Variants in ANKS1B observed in about 807,000 individuals in gnomAD.
The protein encoded by ANKS1B is ankyrin repeat and sterile alpha motif domain-containing protein 1B.
ANKS1B carries 36 observed loss-of-function variants against 148.3 expected under a neutral mutation model. The observed-to-expected ratio is 0.24, with a 90% CI of 0.19 to 0.32. The LOEUF (loss-of-function observed/expected upper bound fraction) is 0.32. Ranked by LOEUF, ANKS1B falls within the 10% of genes least tolerant of loss-of-function variation. The probability of loss-of-function intolerance (pLI) is 1.00; values close to 1 mark genes in which losing one functional copy is unlikely to be tolerated. For synonymous variants in ANKS1B, 542 were observed against 560.8 expected (o/e 0.97, Z 0.47); for missense variants, 1,157 against 1,542.6 (o/e 0.75, Z 4.19).
intron 9 of ANKS1B, among the ~76,000 whole-genome samples, chr12:99,637,800 T>C (rs1180962432): frequency 6.8e-6 from 1 of 147,108 alleles, no homozygotes; most frequent in Non-Finnish European, 1.5e-5. Flanking sequence ...TCTATATATA[T>C]ATAATATATA....
intron 25 of ANKS1B, among the ~76,000 whole-genome samples, chr12:98,762,428 A>G (rs893069383): frequency 3.3e-5 from 5 of 152,232 alleles, no homozygotes; most frequent in Admixed American, 2.6e-4. Flanking sequence ...GCCAGACTGC[A>G]GGGCTCCATA....
At chr12:99,457,825 T>C (rs1000088760) in intron 10 of ANKS1B, among the ~76,000 whole-genome samples, 4 of 152,076 alleles carry the variant, frequency 2.6e-5, no homozygotes, top group East Asian at 1.9e-4. Flanking sequence ...AACACAATAA[T>C]AGTCGGGGAC....
chr12:99,106,987 T>TA (rs2059356520), intron 15 of ANKS1B, among the ~76,000 whole-genome samples: 1 of 152,152 alleles, frequency 6.6e-6, no homozygotes, highest in Non-Finnish European at 1.5e-5. Context: ...TCCAGACGTC[T>TA]GCTCTAGCTG....
At chr12:99,781,136 T>C (rs1254424439) in intron 5 of ANKS1B, among the ~76,000 whole-genome samples, 1 of 151,146 alleles carries the variant, frequency 6.6e-6, no homozygotes, top group Non-Finnish European at 1.5e-5. Context: ...ATTAAATACA[T>C]GTTTAAATTT....
intron 1 of ANKS1B, among the ~76,000 whole-genome samples, chr12:99,934,602 T>C (rs1297003437): frequency 6.6e-6 from 1 of 152,160 alleles, no homozygotes; most frequent in Non-Finnish European, 1.5e-5. Context: ...TTCTGCAGTA[T>C]ACATCATAAT....
At chr12:98,844,582 A>T (rs966701486) in intron 17 of ANKS1B, among the ~76,000 whole-genome samples, 6 of 152,332 alleles carry the variant, frequency 3.9e-5, no homozygotes, top group Middle Eastern at 3.4e-3. Context: ...AATGTCATAG[A>T]TATAGTGTCT....
intron 9 of ANKS1B, among the ~76,000 whole-genome samples, chr12:98,736,883 C>T (rs1218733586): frequency 2.0e-5 from 3 of 152,210 alleles, no homozygotes; most frequent in Non-Finnish European, 2.9e-5. Context: ...TGAGCATCTG[C>T]ATGCCAAGCA....
At chr12:99,301,009 T>C (rs2081519760) in intron 12 of ANKS1B, among the ~76,000 whole-genome samples, 1 of 152,134 alleles carries the variant, frequency 6.6e-6, no homozygotes, top group African/African-American at 2.4e-5. Context: ...AAAGCTGGTG[T>C]GTACTTCAGC....
rs115398801 is a variant in ANKS1B at position 99,849,945 on chromosome 12, C to T, written c.135-24556G>A. ...CATTGTGCTGTAAACTTATGATTTA[C>T]ATACCTCTCTGTGGGTTTATTTAAA... On this transcript the variant is annotated intron_variant, in intron 1 of 26. Coordinates refer to ENST00000683438, the MANE Select transcript of ANKS1B (RefSeq NM_001352186.2). Among the ~76,000 whole-genome samples the T allele has an allele frequency of 7.9e-3, 1,209 of 152,132 alleles. 14 individuals are homozygous for T. The highest frequency in any genetic ancestry group is 0.028 in the African/African-American group (1,144 of 41,540).
chr12:99,428,403 T>C (rs563719870), intron 11 of ANKS1B, among the ~76,000 whole-genome samples: 1 of 152,300 alleles, frequency 6.6e-6, no homozygotes, highest in Admixed American at 6.5e-5. Context: ...GTGTCCACAT[T>C]TGGAGATGAC....
chr12:98,994,389 G>A (rs915701855), intron 17 of ANKS1B, among the ~76,000 whole-genome samples: 2 of 152,172 alleles, frequency 1.3e-5, no homozygotes, highest in East Asian at 3.9e-4. Flanking sequence ...GCTGAGGCAG[G>A]TGGATCACCT....
intron 22 of ANKS1B, among the ~76,000 whole-genome samples, chr12:98,784,436 T>A (rs780515722): frequency 2.7e-4 from 41 of 152,172 alleles, no homozygotes; most frequent in Non-Finnish European, 4.6e-4. Context: ...CCCCATGCCA[T>A]GAGGACTAAC....
chr12:99,066,082 G>A (rs1206673113), intron 16 of ANKS1B, among the ~76,000 whole-genome samples: 2 of 152,046 alleles, frequency 1.3e-5, no homozygotes, highest in Admixed American at 6.5e-5. Flanking sequence ...TTGGGAGGCC[G>A]AGGAGGGCAG....
At chr12:99,376,440 T>C (rs774781461) in intron 12 of ANKS1B, among the ~76,000 whole-genome samples, 29 of 152,196 alleles carry the variant, frequency 1.9e-4, no homozygotes, top group Non-Finnish European at 3.4e-4. Context: ...GTTCAGATAG[T>C]GCTTTCATTT....
chr12:99,431,068 G>A (rs1008483401), intron 11 of ANKS1B, among the ~76,000 whole-genome samples: 2 of 152,128 alleles, frequency 1.3e-5, no homozygotes, highest in African/African-American at 4.8e-5. Flanking sequence ...TTATTGAATT[G>A]AGTTCAATTA....
chr12:99,641,537 A>G (rs2098305788), intron 9 of ANKS1B, among the ~76,000 whole-genome samples: 2 of 152,210 alleles, frequency 1.3e-5, no homozygotes, highest in South Asian at 4.1e-4. Context: ...AACATCTGTG[A>G]AACAAATGGA....
intron 9 of ANKS1B, among the ~76,000 whole-genome samples, chr12:99,551,615 G>A (rs1490267178): frequency 6.6e-6 from 1 of 151,830 alleles, no homozygotes; most frequent in East Asian, 1.9e-4. Flanking sequence ...TATCTGGGAG[G>A]AGCAGAAAAG....
chr12:99,472,534 G>A (rs944907419), intron 10 of ANKS1B, among the ~76,000 whole-genome samples: 7 of 152,046 alleles, frequency 4.6e-5, no homozygotes, highest in Admixed American at 3.9e-4. Flanking sequence ...ACAAAAATTG[G>A]ATGTTTTGTA....
intron 12 of ANKS1B, among the ~76,000 whole-genome samples, chr12:99,367,105 T>C (rs1014715623): frequency 6.6e-6 from 1 of 151,964 alleles, no homozygotes; most frequent in African/African-American, 2.4e-5. Flanking sequence ...CAACCAAAAA[T>C]ACTTCCAGAC....
Sources: gnomAD v4.1 joint callset for allele counts (sites outside exome capture counted in the v4.1 genomes callset) on GRCh38, gnomAD v4.1.1 for gene constraint, MANE v1.5 for transcripts, NCBI Gene and HGNC (gene_info 2026-07-23, HGNC 2026-07-21) for gene names.